Variants in ZW10 observed in about 807,000 individuals in gnomAD.
ZW10 encodes centromere/kinetochore protein zw10 homolog.
In ZW10, 53 loss-of-function variants were observed where a neutral mutation model predicts 87.8. The ratio of observed to expected loss-of-function variants is 0.60; its 90% CI spans 0.48 to 0.76. The LOEUF (loss-of-function observed/expected upper bound fraction) is 0.76, where lower values mean the gene tolerates loss of function less well. Ranked by LOEUF, ZW10 falls within the 30% of genes least tolerant of loss-of-function variation. The pLI is 0.00. For missense variants in ZW10, 837 were observed against 923.0 expected (o/e 0.91, Z 1.21); for synonymous variants, 312 against 329.2 (o/e 0.95, Z 0.57).
At position 113,737,707 on chromosome 11, in the gene ZW10, T is replaced by C; in HGVS notation, c.1885-4A>G. On this transcript the variant is annotated splice_polypyrimidine_tract_variant and splice_region_variant and intron_variant, in intron 13 of 15. Transcript: ENST00000200135. ...GTCTCTTTAGTTGGTGCAGTACCTG[T>C]AGAAGAATACAGCTATTTACGTGGA... 2 of 1,602,470 alleles carry C rather than the reference T, an allele frequency of 1.2e-6. No individual in the cohort carries two copies. Among genetic ancestry groups the C allele is most frequent in the Non-Finnish European group, 1.7e-6 (2 of 1,173,256 alleles).
intron 9 of ZW10, among the ~76,000 whole-genome samples, chr11:113,745,652 G>A (rs1223530192): frequency 2.0e-5 from 3 of 152,120 alleles, no homozygotes; most frequent in Admixed American, 6.5e-5. Flanking sequence ...CATAAGATTC[G>A]AAAAGGTGAC....
At chr11:113,750,878 T>C (rs904299500) in intron 7 of ZW10, among the ~76,000 whole-genome samples, 18 of 152,004 alleles carry the variant, frequency 1.2e-4, no homozygotes, top group African/African-American at 4.1e-4. Flanking sequence ...TTAATTTTCT[T>C]AAAAATTACA....
intron 1 of ZW10, among the ~76,000 whole-genome samples, chr11:113,769,325 A>T (rs1278798969): frequency 6.6e-6 from 1 of 152,182 alleles, no homozygotes; most frequent in African/African-American, 2.4e-5. Flanking sequence ...AAAAGAGAAA[A>T]GGTGGAGCCA....
At position 113,736,786 on chromosome 11, in the gene ZW10, A is replaced by G. The variant is rs1336643858; in HGVS notation, c.2053T>C (p.Leu685=). 10 of 1,614,176 alleles carry G rather than the reference A, an allele frequency of 6.2e-6. 1 individual carries two copies. The South Asian group carries it at 9.9e-5, about 16-fold the overall frequency. Residue 685 remains leucine, a synonymous_variant, in exon 15 of 16, where the codon TTA becomes CTA. Transcript: ENST00000200135. The part of the protein sequence containing the change: ...STEDGDRLYS[L]CKTVMDEGPQ... ...CCTTCATCCATCACTGTTTTGCATA[A>G]GGAATATAACCTATCACCATCTTCA...
At position 113,747,600 on chromosome 11, in the gene ZW10, G is replaced by T. The variant is rs779812519; in HGVS notation, c.1203C>A (p.Asn401Lys). The change falls in exon 9 of 16, where the codon AAC (asparagine) becomes AAA (lysine). Residue 401 changes from asparagine to lysine, a missense_variant. By Grantham distance (94) the Asn-to-Lys change is moderately conservative (BLOSUM62 0). Transcript: ENST00000200135. ...YARNINSHFA[N>K]KKCQDVIVAA... ...CCACAATCACATCCTGGCACTTTTT[G>T]TTTGCAAAATGAGAATTGATGTTAC... 1 of 1,613,542 alleles carries T rather than the reference G, an allele frequency of 6.2e-7. No individual in the cohort carries two copies. The highest frequency in any genetic ancestry group is 2.2e-5 in the East Asian group (1 of 44,842).
intron 12 of ZW10, 136 bp from the exon 13 acceptor site, chr11:113,738,530 C>T: frequency 1.2e-6 from 1 of 802,546 alleles, no homozygotes; most frequent in South Asian, 2.5e-5. Context: ...TATCATAAAG[C>T]TGCCCTAAAG....
At chr11:113,767,607 T>A (rs938453869) in intron 2 of ZW10, among the ~76,000 whole-genome samples, 2 of 152,106 alleles carry the variant, frequency 1.3e-5, no homozygotes, top group Non-Finnish European at 2.9e-5. Context: ...CCTGGACTCA[T>A]TTCCCTCAAG....
intron 1 of ZW10, chr11:113,771,555 T>C (rs938942112): frequency 6.6e-6 from 1 of 152,268 alleles, no homozygotes; most frequent in Non-Finnish European, 1.5e-5. Context: ...TATTCCACCA[T>C]GGGAAGAGAG....
At chr11:113,747,490 A>C (rs1953691164) in intron 9 of ZW10, 41 bp downstream of exon 9, 6 of 1,536,956 alleles carry the variant, frequency 3.9e-6, no homozygotes, top group Non-Finnish European at 5.3e-6. Context: ...TTGCTTTCTC[A>C]TATACAATGT....
intron 2 of ZW10, among the ~76,000 whole-genome samples, chr11:113,764,827 A>C (rs1281357907): frequency 6.6e-6 from 1 of 152,158 alleles, no homozygotes; most frequent in Non-Finnish European, 1.5e-5. Flanking sequence ...GTTCCATGAA[A>C]CTATTCTCTA....
intron 15 of ZW10, among the ~76,000 whole-genome samples, chr11:113,734,479 T>C (rs1255710567): frequency 6.6e-6 from 1 of 152,070 alleles, no homozygotes; most frequent in Non-Finnish European, 1.5e-5. Flanking sequence ...GATGCGATGG[T>C]GAAAATGAAC....
chr11:113,763,392 C>T (rs1396563581), intron 2 of ZW10, among the ~76,000 whole-genome samples: 3 of 152,304 alleles, frequency 2.0e-5, no homozygotes, highest in East Asian at 3.9e-4. Context: ...AGTAATGGGA[C>T]TGCTGGGTCA....
chr11:113,756,843 C>T (rs939769443), intron 7 of ZW10, among the ~76,000 whole-genome samples: 2 of 152,064 alleles, frequency 1.3e-5, no homozygotes, highest in Admixed American at 1.3e-4. Flanking sequence ...TAAGGGAAGG[C>T]TCTGGGAACA....
At position 113,757,787 on chromosome 11, in the gene ZW10, T is replaced by C. The variant is rs1953807388; in HGVS notation, c.800A>G (p.Glu267Gly). The change falls in exon 7 of 16, where the codon GAA becomes GGA. Residue 267 changes from glutamate (E) to glycine (G), a missense_variant. Transcript: ENST00000200135. ...ASCPSLHAVI[E>G]SQPNIVIIRF... ...AATAATAACTATGTTAGGCTGGCTT[T>C]CTATCACAGCATGAAGGGATGGGCA... 1.4e-5 allele frequency: 23 copies of C among 1,613,806 alleles called. No homozygotes were observed. Among genetic ancestry groups the C allele is most frequent in the Non-Finnish European group, 1.9e-5 (23 of 1,179,768 alleles).
intron 7 of ZW10, among the ~76,000 whole-genome samples, chr11:113,750,264 A>G (rs944283728): frequency 3.3e-5 from 5 of 152,182 alleles, no homozygotes; most frequent in Non-Finnish European, 7.3e-5. Flanking sequence ...AACAGGGCAA[A>G]ACAAAAAAAG....
At position 113,743,841 on chromosome 11, in the gene ZW10, T is replaced by C. The variant is rs767562655; in HGVS notation, c.1472A>G (p.Tyr491Cys). The C allele has an allele frequency of 1.2e-6, 2 of 1,614,172 alleles. No individual in the cohort carries two copies. Among genetic ancestry groups the C allele is most frequent in the East Asian group, 4.5e-5 (2 of 44,870 alleles). ...ESVKKLMELA[Y>C]QTLLEATTSS... ...GGTTGTTGCCTCTAGTAAAGTCTGA[T>C]AGGCGAGTTCCATTAATTTCTTCAC... Residue 491 changes from tyrosine to cysteine, a missense_variant, in exon 10 of 16, where the codon TAT (tyrosine) becomes TGT (cysteine). Physicochemically the swap from Tyr to Cys is radical, Grantham distance 194 (BLOSUM62 -2). Transcript: ENST00000200135.
rs753580506 is a variant in ZW10 at position 113,760,266 on chromosome 11, A to G, written c.523T>C (p.Tyr175His). ...ELTIQKQNIL[Y>H]HLGEEWQKLI... is the part of the protein sequence containing the mutation. ...TTCTGCCACTCTTCTCCAAGGTGATAAAGTATGTTCTGTTTCTGTATTGTG... is the reference window on the plus strand; with the variant it reads ...TTCTGCCACTCTTCTCCAAGGTGATGAAGTATGTTCTGTTTCTGTATTGTG... Residue 175 changes from tyrosine to histidine, a missense_variant, in exon 5 of 16, where the codon TAT becomes CAT. Transcript: ENST00000200135. 18 of 1,614,170 alleles carry G rather than the reference A, an allele frequency of 1.1e-5. No individual in the cohort carries two copies. The South Asian group carries it at 2.0e-4, about 18-fold the overall frequency.
intron 2 of ZW10, among the ~76,000 whole-genome samples, chr11:113,763,173 A>G (rs1406649120): frequency 6.6e-6 from 1 of 152,170 alleles, no homozygotes; most frequent in Non-Finnish European, 1.5e-5. Flanking sequence ...AGCTTCATCC[A>G]TATCCCTACA....
chr11:113,750,855 CTTG>C (rs1233141236), intron 7 of ZW10, among the ~76,000 whole-genome samples: 1 of 150,142 alleles, frequency 6.7e-6, no homozygotes, highest in Non-Finnish European at 1.5e-5. Context: ...AAGAAGTGAT[CTTG>C]TTTTTTTTTT....
Sources: gnomAD v4.1 joint callset for allele counts (sites outside exome capture counted in the v4.1 genomes callset) on GRCh38, gnomAD v4.1.1 for gene constraint, MANE v1.5 for transcripts, NCBI Gene and HGNC (gene_info 2026-07-23, HGNC 2026-07-21) for gene names.